TOMM7: variants seen among roughly 807,000 people sequenced by gnomAD.
The protein encoded by TOMM7 is translocase of outer mitochondrial membrane 7, also known as mitochondrial import receptor subunit TOM7 homolog.
TOMM7 carries 8 observed loss-of-function variants against 9.5 expected under a neutral mutation model. The observed-to-expected ratio is 0.84, with a 90% CI of 0.49 to 1.51. The LOEUF (loss-of-function observed/expected upper bound fraction) is 1.51. TOMM7 is among the 40% of genes most tolerant of loss of function. The probability of loss-of-function intolerance (pLI) is 0.00; values close to 1 mark genes in which losing one functional copy is unlikely to be tolerated. For missense variants in TOMM7, 74 were observed against 63.7 expected (o/e 1.16, Z -0.55); for synonymous variants, 27 against 21.4 (o/e 1.26, Z -0.72).
chr7:22,813,583 A>G (rs1287970255), intron 2 of TOMM7, among the ~76,000 whole-genome samples: 6 of 152,106 alleles, frequency 3.9e-5, no homozygotes, highest in African/African-American at 1.2e-4. Context: ...GACACTGAGG[A>G]AAGTTCACAA....
Position 22,813,153 on chromosome 7 carries a change from G to A in TOMM7, c.*17C>T. 6.2e-7 allele frequency: 1 copy of A among 1,613,722 alleles called. No individual in the cohort carries two copies. ...TGTCCGCTGATTGCCTCCAAATCCA[G>A]AAGACCAAATAATCCTTTATCCCCA... is the stretch of plus-strand genomic sequence containing the variant. On this transcript the variant is annotated 3_prime_UTR_variant, in exon 3 of 3. Coordinates refer to ENST00000358435, the MANE Select transcript of TOMM7 (RefSeq NM_019059.5).
rs1018787661 is a variant in TOMM7, at chr7:22,822,750, C to T, written c.30G>A (p.Gln10=). 6.2e-7 allele frequency: 1 copy of T among 1,614,112 alleles called. No homozygotes were observed. Residue 10 remains glutamine (Q), a synonymous_variant, in exon 1 of 3, where the codon CAG becomes CAA. Transcript: ENST00000358435. ...TCCCCTTGAAGAGCTGCTGTAGTCT[C>T]TGCTTGGCCTCTTTGCTCAGCTTCA... The part of the protein sequence containing the change: MVKLSKEAK[Q]RLQQLFKGSQ...
At chr7:22,822,284 C>T (rs1481027814) in intron 1 of TOMM7, 2 of 1,548,432 alleles carry the variant, frequency 1.3e-6, no homozygotes, top group Non-Finnish European at 1.7e-6. Flanking sequence ...TGTCTCGATT[C>T]CCTGAACAGG....
At position 22,812,986 on chromosome 7, in the gene TOMM7, C is replaced by T. The variant is rs925454747; in HGVS notation, c.*184G>A. The T allele has an allele frequency of 6.6e-6, 4 of 609,716 alleles. No individual in the cohort carries two copies. In the African/African-American group the frequency reaches 7.4e-5, roughly 11 times the overall value. The allele number at this position is 609,716 out of a possible 1,614,324, so 37.8% of individuals were successfully genotyped here. ...GACTCAAGCATAACACTGTTAAAAA[C>T]ATTTATTCTGATACATTCTATCATA... is the stretch of plus-strand genomic sequence containing the variant. On this transcript the variant is annotated 3_prime_UTR_variant, in exon 3 of 3. Coordinates refer to ENST00000358435, the MANE Select transcript of TOMM7 (RefSeq NM_019059.5).
At chr7:22,819,674 G>A (rs1188405286) in intron 1 of TOMM7, among the ~76,000 whole-genome samples, 3 of 152,204 alleles carry the variant, frequency 2.0e-5, no homozygotes, top group Non-Finnish European at 4.4e-5. Context: ...CTGGAGTGTA[G>A]GGAACAAGAG....
intron 1 of TOMM7, among the ~76,000 whole-genome samples, chr7:22,821,141 G>A (rs1782382968): frequency 6.6e-6 from 1 of 152,222 alleles, no homozygotes; most frequent in Admixed American, 6.5e-5. Context: ...GCCAGGCACG[G>A]TGGCTCACGC....
chr7:22,814,517 A>G (rs1782292349), intron 2 of TOMM7, among the ~76,000 whole-genome samples: 1 of 152,114 alleles, frequency 6.6e-6, no homozygotes, highest in Non-Finnish European at 1.5e-5. Context: ...AAACACACAA[A>G]AAAAGATCTA....
intron 2 of TOMM7, among the ~76,000 whole-genome samples, chr7:22,814,238 T>C (rs377154785): frequency 2.7e-5 from 4 of 150,422 alleles, no homozygotes; most frequent in East Asian, 3.9e-4. Flanking sequence ...TAATACCAGC[T>C]ACTCAGGAGG....
In TOMM7 at chr7:22,818,288, A is replaced by C; in HGVS notation, c.104-240T>G. 3 of 391,408 alleles carry C rather than the reference A, an allele frequency of 7.7e-6. No individual in the cohort carries two copies. In the South Asian group the frequency reaches 8.4e-5, roughly 11 times the overall value. 24.2% of individuals were successfully genotyped at this position (391,408 alleles called of 1,614,324 possible). On this transcript the variant is annotated intron_variant, in intron 1 of 2. Coordinates refer to ENST00000358435, the MANE Select transcript of TOMM7 (RefSeq NM_019059.5). ...AAGCTATCTTATTCCTTTCTTTTTG[A>C]GACAGAGTCTCACTCTGTCACCCAG...
intron 1 of TOMM7, among the ~76,000 whole-genome samples, chr7:22,821,962 T>C (rs1035307837): frequency 6.6e-6 from 1 of 152,092 alleles, no homozygotes; most frequent in Non-Finnish European, 1.5e-5. Context: ...ATAGCGCCAC[T>C]GCACTCCAGT....
chr7:22,819,287 A>T (rs1782355687), intron 1 of TOMM7, among the ~76,000 whole-genome samples: 7 of 152,244 alleles, frequency 4.6e-5, no homozygotes, highest in Admixed American at 4.6e-4. Flanking sequence ...ATTTAAAAAA[A>T]AAATCTTCTG....
intron 2 of TOMM7, chr7:22,817,774 A>C: frequency 2.2e-6 from 1 of 458,194 alleles, no homozygotes; most frequent in South Asian, 3.6e-5. Context: ...GTAGGATAAT[A>C]AATTCTTTTT....
chr7:22,821,155 T>G (rs1303481617), intron 1 of TOMM7, among the ~76,000 whole-genome samples: 1 of 152,144 alleles, frequency 6.6e-6, no homozygotes, highest in East Asian at 1.9e-4. Flanking sequence ...CTCACGCCTG[T>G]AATCCCAGCA....
intron 1 of TOMM7, 84 bp downstream of exon 1, chr7:22,822,593 C>G: frequency 8.1e-7 from 1 of 1,232,128 alleles, no homozygotes; most frequent in Non-Finnish European, 1.2e-6. Flanking sequence ...ATTTTTCTCT[C>G]CCTCCCCCGA....
chr7:22,821,528 A>ACCT (rs1259982107), intron 1 of TOMM7, among the ~76,000 whole-genome samples: 1 of 152,160 alleles, frequency 6.6e-6, no homozygotes, highest in Non-Finnish European at 1.5e-5. Context: ...GAGGTAGCTA[A>ACCT]CTTGAGGCCA....
At chr7:22,819,987 C>T (rs1404016127) in intron 1 of TOMM7, among the ~76,000 whole-genome samples, 1 of 152,154 alleles carries the variant, frequency 6.6e-6, no homozygotes, top group Non-Finnish European at 1.5e-5. Context: ...AAATTACACA[C>T]AAAGTTAAAT....
At chr7:22,822,561 GC>G in intron 1 of TOMM7, 115 bp downstream of exon 1, 1 of 911,918 alleles carries the variant, frequency 1.1e-6, no homozygotes. Context: ...AGCCTCAGGG[GC>G]CGTGCACGGC....
intron 1 of TOMM7, among the ~76,000 whole-genome samples, chr7:22,818,923 G>A (rs1273324112): frequency 6.9e-6 from 1 of 144,512 alleles, no homozygotes; most frequent in African/African-American, 2.6e-5. Flanking sequence ...AAAAACTACT[G>A]AACTTTTTAA....
chr7:22,813,259 G>C lies in TOMM7; in HGVS notation c.153-74C>G, dbSNP rs918150905. 5.1e-6 allele frequency: 7 copies of C among 1,364,216 alleles called. No individual in the cohort carries two copies. In the East Asian group the frequency reaches 1.4e-4, roughly 27 times the overall value. 84.5% of individuals were successfully genotyped at this position (1,364,216 alleles called of 1,614,324 possible). ...TCTTCTAGACATAACCTAAGACCTA[G>C]AAAATTTTATACATTTATGTTTGTT... On this transcript the variant is annotated intron_variant, in intron 2 of 2. Transcript: ENST00000358435.
Sources: gnomAD v4.1 joint callset for allele counts (sites outside exome capture counted in the v4.1 genomes callset) on GRCh38, gnomAD v4.1.1 for gene constraint, MANE v1.5 for transcripts, NCBI Gene and HGNC (gene_info 2026-07-23, HGNC 2026-07-21) for gene names.